The following RBFOX1 variants were observed in gnomAD, a reference collection of about 807,000 sequenced individuals.
RBFOX1 encodes the protein RNA binding fox-1 homolog 1.
RBFOX1 carries 8 observed loss-of-function variants against 57.7 expected under a neutral mutation model. The ratio of observed to expected loss-of-function variants is 0.14; its 90% confidence interval spans 0.08 to 0.25. The LOEUF is 0.25. Ranked by LOEUF, RBFOX1 falls within the 10% of genes least tolerant of loss-of-function variation. The pLI is 1.00. For missense variants in RBFOX1, 611 were observed against 548.5 expected (o/e 1.11, Z -1.14); for synonymous variants, 326 against 222.4 (o/e 1.47, Z -4.15).
intron 3 of RBFOX1, among the ~76,000 whole-genome samples, chr16:6,668,204 C>T (rs1344643748): frequency 6.6e-6 from 1 of 152,116 alleles, no homozygotes; most frequent in Non-Finnish European, 1.5e-5. Flanking sequence ...TCTCTGGTGT[C>T]AAGTCATATT....
At position 6,346,475 on chromosome 16, in the gene RBFOX1, G is replaced by C. The variant is rs2085386553; in HGVS notation, c.-64+29418G>C. Among the ~76,000 whole-genome samples, 14 of 150,426 alleles carry C rather than the reference G, an allele frequency of 9.3e-5. No homozygotes were observed. In the Admixed American group the frequency reaches 9.4e-4, roughly 10 times the overall value. On this transcript the variant is annotated intron_variant, in intron 2 of 15. Coordinates refer to ENST00000550418, the MANE Select transcript of RBFOX1 (RefSeq NM_018723.4). ...GCTTCAGATAATCCCAGGCGGCCAA[G>C]GGATCAGGTACTGTTCCAACGAGGC...
intron 4 of RBFOX1, among the ~76,000 whole-genome samples, chr16:7,117,174 G>T (rs1482245334): frequency 6.6e-6 from 1 of 152,174 alleles, no homozygotes; most frequent in Non-Finnish European, 1.5e-5. Flanking sequence ...GGGCAGAGAG[G>T]TGGCAGGTTG....
At chr16:6,179,100 G>T (rs2097040212) in intron 1 of RBFOX1, among the ~76,000 whole-genome samples, 1 of 152,186 alleles carries the variant, frequency 6.6e-6, no homozygotes, top group Non-Finnish European at 1.5e-5. Flanking sequence ...ACCACAGGGA[G>T]GGTGGATGTG....
chr16:5,427,281 G>A (rs1390089537), intron 1 of RBFOX1, among the ~76,000 whole-genome samples: 1 of 152,198 alleles, frequency 6.6e-6, no homozygotes, highest in Non-Finnish European at 1.5e-5. Flanking sequence ...AAGGAGAATA[G>A]CAAGTCTAAA....
intron 1 of RBFOX1, among the ~76,000 whole-genome samples, chr16:5,398,130 T>C (rs2066613956): frequency 6.6e-6 from 1 of 152,342 alleles, no homozygotes; most frequent in South Asian, 2.1e-4. Context: ...AGAAAGCCTT[T>C]CCTGAGGGGA....
chr16:5,870,334 A>G (rs796189013), intron 4 of RBFOX1, among the ~76,000 whole-genome samples: 19 of 150,066 alleles, frequency 1.3e-4, no homozygotes, highest in African/African-American at 3.4e-4. Flanking sequence ...GAGCTCTACA[A>G]TGAAAACGTG....
At chr16:6,119,371 G>C (rs1227165279) in intron 1 of RBFOX1, among the ~76,000 whole-genome samples, 1 of 152,180 alleles carries the variant, frequency 6.6e-6, no homozygotes, top group Non-Finnish European at 1.5e-5. Context: ...TCACAATGGA[G>C]GGTCAACGAT....
chr16:5,855,803 C>G (rs187338125), intron 3 of RBFOX1, among the ~76,000 whole-genome samples: 7 of 151,892 alleles, frequency 4.6e-5, no homozygotes, highest in African/African-American at 1.7e-4. Flanking sequence ...CTGTAGATCA[C>G]TTTGGGTTGT....
chr16:6,038,420 G>C (rs1267084750), intron 1 of RBFOX1: 4 of 149,428 alleles, frequency 2.7e-5, no homozygotes, highest in Admixed American at 2.7e-4. Context: ...GACCTCAAGG[G>C]ATCTGCCCAC....
At chr16:6,503,719 T>C (rs1386670477) in intron 2 of RBFOX1, among the ~76,000 whole-genome samples, 2 of 152,268 alleles carry the variant, frequency 1.3e-5, no homozygotes, top group Admixed American at 1.3e-4. Flanking sequence ...TTGCATTTTC[T>C]GATGTCTACT....
intron 1 of RBFOX1, among the ~76,000 whole-genome samples, chr16:5,400,216 CGAGT>C (rs971799826): frequency 3.9e-5 from 6 of 151,980 alleles, no homozygotes; most frequent in Admixed American, 1.3e-4. Flanking sequence ...CTCAGCCTCT[CGAGT>C]AACTGGGATT....
intron 4 of RBFOX1, among the ~76,000 whole-genome samples, chr16:5,897,891 T>C (rs13337803): frequency 0.17 from 25,911 of 151,610 alleles, 2,411 homozygotes; most frequent in Middle Eastern, 0.29. Context: ...TGTTTGAGCT[T>C]TGTAACTCCA....
chr16:5,575,181 C>T (rs1057242166), intron 2 of RBFOX1, among the ~76,000 whole-genome samples: 1 of 152,152 alleles, frequency 6.6e-6, no homozygotes, highest in African/African-American at 2.4e-5. Flanking sequence ...CCTAAACACA[C>T]CCTAACTTGC....
intron 3 of RBFOX1, among the ~76,000 whole-genome samples, chr16:5,714,319 T>G (rs1284315506): frequency 6.6e-6 from 1 of 152,218 alleles, no homozygotes; most frequent in Non-Finnish European, 1.5e-5. Flanking sequence ...CTCAAGAGGC[T>G]CTGCCTGTCT....
chr16:7,016,647 T>G (rs78089112), intron 3 of RBFOX1, among the ~76,000 whole-genome samples: 1 of 152,316 alleles, frequency 6.6e-6, no homozygotes, highest in East Asian at 1.9e-4. Context: ...TGATACACGA[T>G]GCAAAACCAG....
intron 3 of RBFOX1, among the ~76,000 whole-genome samples, chr16:5,843,813 C>G (rs78798606): frequency 0.13 from 19,575 of 152,214 alleles, 1,758 homozygotes; most frequent in Non-Finnish European, 0.18. Flanking sequence ...GCTTTCCACT[C>G]TGCCACGTTG....
intron 1 of RBFOX1, among the ~76,000 whole-genome samples, chr16:6,263,324 C>G (rs1005002148): frequency 1.3e-5 from 2 of 152,060 alleles, no homozygotes; most frequent in Non-Finnish European, 2.9e-5. Flanking sequence ...AGAATTCATG[C>G]TCAAACTGTG....
At position 6,810,688 on chromosome 16, in the gene RBFOX1, C is replaced by T. The variant is rs568126617; in HGVS notation, c.-16+156038C>T. Among the ~76,000 whole-genome samples, 3 of 152,138 alleles carry T rather than the reference C, an allele frequency of 2.0e-5. No homozygotes were observed. In the East Asian group the frequency reaches 5.8e-4, roughly 29 times the overall value. ...ACATGGCTGGGAAGTCCTCTGGAAA[C>T]GTACAATCACGGTGGAAGGCAAAAG... On this transcript the variant is annotated intron_variant, in intron 3 of 15. Coordinates refer to ENST00000550418, the MANE Select transcript of RBFOX1 (RefSeq NM_018723.4).
intron 3 of RBFOX1, among the ~76,000 whole-genome samples, chr16:6,964,236 C>G (rs1233662065): frequency 2.0e-5 from 3 of 151,674 alleles, no homozygotes; most frequent in Non-Finnish European, 2.9e-5. Flanking sequence ...CCAGGCTGGT[C>G]TCGAACTGCT....
Sources: allele counts gnomAD v4.1 joint callset (sites outside exome capture counted in the v4.1 genomes callset), GRCh38; gene constraint gnomAD v4.1.1; transcripts MANE v1.5; gene names NCBI Gene and HGNC (gene_info 2026-07-23, HGNC 2026-07-21).